The following DHX29 variants were observed in gnomAD, a reference collection of about 807,000 sequenced individuals.
DHX29 encodes ATP-dependent RNA helicase DHX29.
In DHX29, 79 loss-of-function variants were observed where a neutral mutation model predicts 167.9. That is an observed-to-expected ratio of 0.47 (90% CI 0.39 to 0.57). The LOEUF (loss-of-function observed/expected upper bound fraction) is 0.57, where lower values mean the gene tolerates loss of function less well. Ranked by LOEUF, DHX29 falls within the 20% of genes least tolerant of loss-of-function variation. The pLI, the probability that DHX29 is intolerant of heterozygous loss-of-function variation, is 0.00. For missense variants in DHX29, 1,347 were observed against 1,593.4 expected, an observed-to-expected ratio of 0.85 and a Z score of 2.63; for synonymous variants, 530 against 546.0, an observed-to-expected ratio of 0.97 and a Z score of 0.41.
intron 26 of DHX29, among the ~76,000 whole-genome samples, chr5:55,259,041 T>C (rs887989356): frequency 4.6e-5 from 7 of 152,126 alleles, no homozygotes; most frequent in African/African-American, 1.7e-4. Context: ...AGACAGAGTC[T>C]CTCTATGTTG....
In DHX29 at chr5:55,270,606, A is replaced by T; in HGVS notation, c.2965T>A (p.Phe989Ile). Reference protein sequence around the residue: ...QGRAGRVRDGFCFRMYTRERF... With the variant: ...QGRAGRVRDGICFRMYTRERF... ...TCTCTTGTGTACATTCGGAAACAGA[A>T]GCCATCTCTGACCCGCCCAGCTCTT... The change falls in exon 19 of 27, where the codon TTC becomes ATC. Residue 989 changes from phenylalanine (F) to isoleucine (I), a missense_variant. Transcript: ENST00000251636. The T allele has an allele frequency of 6.2e-7, 1 of 1,614,238 alleles. No homozygotes were observed. The highest frequency in any genetic ancestry group is 2.2e-5 in the East Asian group (1 of 44,880).
chr5:55,287,269 C>T (rs1045462827), intron 8 of DHX29, among the ~76,000 whole-genome samples: 6 of 152,142 alleles, frequency 3.9e-5, no homozygotes, highest in Non-Finnish European at 8.8e-5. Flanking sequence ...GGTGAAACCC[C>T]GTCTCTACTA....
At chr5:55,263,790 G>A (rs1338817262) in intron 23 of DHX29, among the ~76,000 whole-genome samples, 3 of 131,484 alleles carry the variant, frequency 2.3e-5, no homozygotes, top group African/African-American at 8.4e-5. Context: ...CAGTTGGCCA[G>A]AGGGGGCTAT....
In DHX29 at chr5:55,289,325, A is replaced by G. The variant is rs1218732155; in HGVS notation, c.1011T>C (p.Ser337=). ...TTTCAAATAAATTAAAATTCAATGC[A>G]CTTTCTCCTTCTGTGGCTACAGGAG... The part of the protein sequence containing the change: ...KKPPVATEGE[S]ALNFNLFEKS... Residue 337 remains serine (S), a synonymous_variant, in exon 8 of 27, where the codon AGT becomes AGC. Transcript: ENST00000251636. 6.3e-7 allele frequency: 1 copy of G among 1,594,104 alleles called. No homozygotes were observed. Among genetic ancestry groups the G allele is most frequent in the Non-Finnish European group, 8.5e-7 (1 of 1,173,988 alleles).
chr5:55,272,275 T>C, intron 17 of DHX29, 100 bp from the exon 18 acceptor site: 1 of 752,880 alleles, frequency 1.3e-6, no homozygotes, highest in Non-Finnish European at 2.1e-6. Flanking sequence ...AAAAACTGAA[T>C]TTCAATTTCA....
chr5:55,307,643 T>C lies in DHX29; in HGVS notation c.-70A>G, dbSNP rs2112004704. 2 of 1,562,070 alleles carry C rather than the reference T, an allele frequency of 1.3e-6. No homozygotes were observed. The highest frequency in any genetic ancestry group is 2.3e-5 in the East Asian group (1 of 44,338). On this transcript the variant is annotated 5_prime_UTR_variant, in exon 1 of 27. The change abolishes the stop of an existing upstream ORF in the 5' untranslated region. Coordinates refer to ENST00000251636, the MANE Select transcript of DHX29 (RefSeq NM_019030.4). ...GTACCACTGCACAGCCGAGAGCTCTTCACATTCCCCGGCTCCGGGGCTGCC... is the reference window on the plus strand; with the variant it reads ...GTACCACTGCACAGCCGAGAGCTCTCCACATTCCCCGGCTCCGGGGCTGCC...
chr5:55,284,160 G>C (rs1270317152), intron 10 of DHX29, among the ~76,000 whole-genome samples: 1 of 152,092 alleles, frequency 6.6e-6, no homozygotes, highest in Non-Finnish European at 1.5e-5. Flanking sequence ...TTTTAAAATG[G>C]AGCTAGTAAT....
intron 1 of DHX29, among the ~76,000 whole-genome samples, chr5:55,300,021 T>C (rs1748521024): frequency 6.6e-6 from 1 of 152,232 alleles, no homozygotes; most frequent in Non-Finnish European, 1.5e-5. Flanking sequence ...GTTATGTCTA[T>C]TGATACTTAG....
intron 26 of DHX29, among the ~76,000 whole-genome samples, chr5:55,256,873 AAAGT>A (rs1746082230): frequency 6.6e-6 from 1 of 152,218 alleles, no homozygotes; most frequent in Non-Finnish European, 1.5e-5. Context: ...TTCCTTGAAG[AAAGT>A]AAGTTTCTCA....
In DHX29 at chr5:55,307,468, C is replaced by CT; in HGVS notation, c.105_106insA (p.Ala36SerfsTer33). The CT allele has an allele frequency of 6.2e-7, 1 of 1,613,498 alleles. No homozygotes were observed. The highest frequency in any genetic ancestry group is 8.5e-7 in the Non-Finnish European group (1 of 1,179,954). On this transcript the variant is annotated frameshift_variant, in exon 1 of 27. Transcript: ENST00000251636. LOFTEE classifies it high-confidence loss of function. ...CTGGACACTGGCTTCTTGCTTTGGG[C>CT]CTCCCCGGCAATTCCAGCCTCGGCA...
rs34353606 is a variant in DHX29, at chr5:55,269,243, CA to C, written c.3294+169del. Among the ~76,000 whole-genome samples the C allele has an allele frequency of 6.7e-3, 489 of 72,674 alleles. 2 individuals carry two copies. Among genetic ancestry groups the C allele is most frequent in the Middle Eastern group, 0.063 (8 of 126 alleles). The allele number at this position is 72,674 out of a possible 152,430, so 47.7% of individuals were successfully genotyped here. ...TGGGCAACAGTGCCAGACCCTGTCT[CA>C]AAAAAAAAAAAAAAAAAAAATTCAA... On this transcript the variant is annotated intron_variant, in intron 21 of 26. Coordinates refer to ENST00000251636, the MANE Select transcript of DHX29 (RefSeq NM_019030.4).
chr5:55,275,480 G>T (rs914902841), intron 14 of DHX29, among the ~76,000 whole-genome samples: 8 of 151,718 alleles, frequency 5.3e-5, no homozygotes, highest in African/African-American at 1.5e-4. Context: ...TTACCTCTGG[G>T]GTTTTAGGGC....
At chr5:55,301,014 C>T (rs1489963474) in intron 1 of DHX29, among the ~76,000 whole-genome samples, 3 of 152,114 alleles carry the variant, frequency 2.0e-5, no homozygotes, top group Non-Finnish European at 2.9e-5. Flanking sequence ...TTTCTCTGTG[C>T]TTACTCAGAG....
intron 10 of DHX29, among the ~76,000 whole-genome samples, chr5:55,284,935 G>C (rs547104535): frequency 6.6e-6 from 1 of 152,338 alleles, no homozygotes; most frequent in African/African-American, 2.4e-5. Context: ...TCGGGAGGCT[G>C]AGGCAGGAGG....
At chr5:55,281,824 T>G (rs1265552898) in intron 11 of DHX29, among the ~76,000 whole-genome samples, 1 of 151,664 alleles carries the variant, frequency 6.6e-6, no homozygotes, top group Non-Finnish European at 1.5e-5. Context: ...TCATTCTTAT[T>G]GCCCAGGCTG....
At chr5:55,266,218 T>G (rs951136797) in intron 23 of DHX29, among the ~76,000 whole-genome samples, 1 of 151,184 alleles carries the variant, frequency 6.6e-6, no homozygotes, top group Non-Finnish European at 1.5e-5. Flanking sequence ...AGGCTGGTCT[T>G]GAACTCCTGA....
Position 55,262,989 on chromosome 5 carries a change from A to T in DHX29, c.3526-57T>A. 2.2e-6 allele frequency: 3 copies of T among 1,337,072 alleles called. No homozygotes were observed. In the South Asian group the frequency reaches 4.1e-5, roughly 18 times the overall value. 82.8% of individuals were successfully genotyped at this position (1,337,072 alleles called of 1,614,324 possible). ...TCAAATTGATTAGAGGAATTTCCAA[A>T]TAACATTGTAGTTTATATTACTGCT... On this transcript the variant is annotated intron_variant, in intron 23 of 26. Coordinates refer to ENST00000251636, the MANE Select transcript of DHX29 (RefSeq NM_019030.4).
At chr5:55,282,767 A>G (rs1747499563) in intron 11 of DHX29, among the ~76,000 whole-genome samples, 1 of 152,090 alleles carries the variant, frequency 6.6e-6, no homozygotes, top group South Asian at 2.1e-4. Context: ...ATGGGGTTGG[A>G]AAATACTAAC....
intron 1 of DHX29, among the ~76,000 whole-genome samples, chr5:55,306,193 T>C (rs1224541399): frequency 6.6e-6 from 1 of 152,220 alleles, no homozygotes; most frequent in Non-Finnish European, 1.5e-5. Flanking sequence ...TTCCACCTTC[T>C]AGGTAAAGGT....
Sources: allele counts gnomAD v4.1 joint callset (sites outside exome capture counted in the v4.1 genomes callset), GRCh38; gene constraint gnomAD v4.1.1; transcripts MANE v1.5; gene names NCBI Gene and HGNC (gene_info 2026-07-23, HGNC 2026-07-21).